LRP1B: variants seen among roughly 807,000 people sequenced by gnomAD.
The protein encoded by LRP1B is LDL receptor related protein 1B.
A neutral mutation model predicts 556.6 loss-of-function variants in LRP1B; 217 were observed. The observed-to-expected ratio is 0.39, with a 90% CI of 0.35 to 0.44. LRP1B has a LOEUF of 0.44. Ranked by LOEUF, LRP1B falls within the 20% of genes least tolerant of loss-of-function variation. The probability of loss-of-function intolerance (pLI) is 1.00; values close to 1 mark genes in which losing one functional copy is unlikely to be tolerated. For synonymous variants in LRP1B, 2,047 were observed against 1,865.8 expected (o/e 1.10, Z -2.50); for missense variants, 5,053 against 5,620.8 (o/e 0.90, Z 3.23).
intron 35 of LRP1B, among the ~76,000 whole-genome samples, chr2:140,748,180 CAT>C (rs1349437986): frequency 9.6e-4 from 99 of 103,460 alleles, no homozygotes; most frequent in African/African-American, 3.5e-3. Flanking sequence ...ATTATATATT[CAT>C]ATATGTGTAT....
At chr2:140,483,822 G>C (rs534665910) in intron 59 of LRP1B, among the ~76,000 whole-genome samples, 1 of 151,444 alleles carries the variant, frequency 6.6e-6, no homozygotes, top group South Asian at 2.1e-4. Flanking sequence ...TGTATTTTTA[G>C]TAGAGATGGG....
At chr2:141,666,909 G>GTT (rs1180556871) in intron 2 of LRP1B, among the ~76,000 whole-genome samples, 1 of 152,042 alleles carries the variant, frequency 6.6e-6, no homozygotes, top group African/African-American at 2.4e-5. Context: ...ATTACTGGAT[G>GTT]TTTTTCTTAT....
chr2:140,380,804 T>TA (rs35929081), intron 67 of LRP1B, among the ~76,000 whole-genome samples: 2 of 152,136 alleles, frequency 1.3e-5, no homozygotes, highest in African/African-American at 4.8e-5. Flanking sequence ...TGATGTAGGT[T>TA]AAAAAAAGTT....
Position 140,751,154 on chromosome 2 carries a change from G to A in LRP1B, c.5758+18059C>T, listed in dbSNP as rs1468840606. On this transcript the variant is annotated intron_variant, in intron 35 of 90. Coordinates refer to ENST00000389484, the MANE Select transcript of LRP1B (RefSeq NM_018557.3). ...ATTACAGGCGCCTGCCATCATGCCT[G>A]GCTAATTTTTGTATCTTTAGTAGAG... Among the ~76,000 whole-genome samples, 4 of 151,936 alleles carry A rather than the reference G, an allele frequency of 2.6e-5. No homozygotes were observed. In the East Asian group the frequency reaches 7.8e-4, roughly 30 times the overall value.
chr2:140,266,179 A>G (rs531428763), intron 86 of LRP1B, among the ~76,000 whole-genome samples: 2 of 152,122 alleles, frequency 1.3e-5, no homozygotes, highest in Admixed American at 1.3e-4. Flanking sequence ...TCAGAAAAGA[A>G]TCTACATTTT....
intron 2 of LRP1B, among the ~76,000 whole-genome samples, chr2:141,739,096 T>C (rs1300999963): frequency 6.6e-6 from 1 of 152,110 alleles, no homozygotes; most frequent in Non-Finnish European, 1.5e-5. Flanking sequence ...CTAAAATATG[T>C]TACCCTGATG....
rs1681200926 is a variant in LRP1B at position 140,247,135 on chromosome 2, C to G, written c.13275G>C (p.Gln4425His). 2 of 1,609,162 alleles carry G rather than the reference C, an allele frequency of 1.2e-6. No homozygotes were observed. ...CLCSTNWSGT[Q>H]CERPAPKSSK... ...TGCTCTTTGGGGCTGGCCTTTCACACTGTGTGCCTGACCAGTTGGTGGAGC... is the reference window on the plus strand; with the variant it reads ...TGCTCTTTGGGGCTGGCCTTTCACAGTGTGTGCCTGACCAGTTGGTGGAGC... Residue 4425 changes from glutamine to histidine, a missense_variant, in exon 87 of 91, where the codon CAG (glutamine) becomes CAC (histidine). Gln to His is a conservative substitution (Grantham distance 24). Around this residue, in one of 5 missense-constraint regions of LRP1B, gnomAD observed 551 missense variants for 592.0 expected, o/e 0.93. Transcript: ENST00000389484.
intron 41 of LRP1B, among the ~76,000 whole-genome samples, chr2:140,642,464 G>C (rs1684330808): frequency 1.3e-5 from 2 of 152,086 alleles, no homozygotes. Context: ...TATGGGTTAT[G>C]ATAATGTGGG....
In LRP1B at chr2:140,501,849, A is replaced by T. The variant is rs1689210390; in HGVS notation, c.8688T>A (p.Phe2896Leu). The T allele has an allele frequency of 1.1e-5, 17 of 1,607,330 alleles. No individual in the cohort carries two copies. The highest frequency in any genetic ancestry group is 1.4e-5 in the Non-Finnish European group (17 of 1,176,324). ...SAEQSCNSSF[F>L]MCKNGRCIPS... Reference sequence around the variant, plus strand: ...GAATGCACCTGCCATTTTTGCACATAAAAAATGAACTGTTGCATGACTGTT... The same window carrying T: ...GAATGCACCTGCCATTTTTGCACATTAAAAATGAACTGTTGCATGACTGTT... The change falls in exon 55 of 91, where the codon TTT becomes TTA. Residue 2896 changes from phenylalanine (F) to leucine (L), a missense_variant. By Grantham distance (22) the Phe-to-Leu change is conservative. This residue lies in a region of LRP1B where 3,619 missense variants were observed against 3,931.9 expected (regional missense o/e 0.92). Coordinates refer to ENST00000389484, the MANE Select transcript of LRP1B (RefSeq NM_018557.3).
intron 27 of LRP1B, among the ~76,000 whole-genome samples, chr2:140,852,210 C>T (rs2105123382): frequency 6.6e-6 from 1 of 152,226 alleles, no homozygotes; most frequent in East Asian, 1.9e-4. Context: ...ACCTCTAGTC[C>T]CAGCTAGTCA....
chr2:141,521,844 A>C (rs1184352243), intron 2 of LRP1B, among the ~76,000 whole-genome samples: 1 of 152,122 alleles, frequency 6.6e-6, no homozygotes, highest in Non-Finnish European at 1.5e-5. Context: ...ATAGTGATTT[A>C]ATTACAGTTA....
intron 60 of LRP1B, among the ~76,000 whole-genome samples, chr2:140,471,811 C>T (rs1687781193): frequency 6.6e-6 from 1 of 152,182 alleles, no homozygotes; most frequent in Admixed American, 6.5e-5. Flanking sequence ...TTGTGACAAT[C>T]TGGCCCCAAT....
Position 140,840,002 on chromosome 2 carries a change from T to C in LRP1B, c.5198A>G (p.Lys1733Arg). 6.2e-7 allele frequency: 1 copy of C among 1,608,168 alleles called. No individual in the cohort carries two copies. The highest frequency in any genetic ancestry group is 8.5e-7 in the Non-Finnish European group (1 of 1,177,836). Residue 1733 changes from lysine to arginine, a missense_variant, in exon 31 of 91, where the codon AAG (lysine) becomes AGG (arginine). Around this residue, in one of 5 missense-constraint regions of LRP1B, gnomAD observed 3,619 missense variants for 3,931.9 expected, o/e 0.92. Transcript: ENST00000389484. ...SNSKILFQNQKEPVGLSIDYV... is the reference protein window; with the variant it reads ...SNSKILFQNQREPVGLSIDYV... ...AAAAAAATACTTACCAACTGGCTCC[T>C]TCTGATTCTGAAACAGAATCTTGCT...
At chr2:140,550,574 T>C (rs1338989856) in intron 43 of LRP1B, among the ~76,000 whole-genome samples, 1 of 152,130 alleles carries the variant, frequency 6.6e-6, no homozygotes, top group Non-Finnish European at 1.5e-5. Context: ...CACACTGCTG[T>C]AAAACAGTGA....
chr2:140,744,603 T>G (rs980934371), intron 35 of LRP1B, among the ~76,000 whole-genome samples: 21 of 152,342 alleles, frequency 1.4e-4, no homozygotes, highest in African/African-American at 4.8e-4. Flanking sequence ...ACTGTACCTC[T>G]GCCTTTCCAT....
intron 47 of LRP1B, among the ~76,000 whole-genome samples, chr2:140,529,364 A>G (rs1224582053): frequency 2.0e-5 from 3 of 151,770 alleles, no homozygotes; most frequent in Non-Finnish European, 2.9e-5. Flanking sequence ...GATGTTTCTT[A>G]TAAATAACCT....
At chr2:141,376,933 A>G (rs564945438) in intron 3 of LRP1B, among the ~76,000 whole-genome samples, 2 of 152,278 alleles carry the variant, frequency 1.3e-5, no homozygotes, top group South Asian at 4.1e-4. Context: ...GGCAGTAAAA[A>G]TGAAAAATAA....
chr2:140,832,184 A>C (rs1431192308), intron 31 of LRP1B, among the ~76,000 whole-genome samples: 1 of 152,160 alleles, frequency 6.6e-6, no homozygotes. Context: ...GGGTATTCAC[A>C]GGATGCAAAA....
intron 1 of LRP1B, among the ~76,000 whole-genome samples, chr2:141,884,566 T>C (rs1699052773): frequency 6.6e-6 from 1 of 152,198 alleles, no homozygotes; most frequent in Non-Finnish European, 1.5e-5. Context: ...CTTACCAACC[T>C]GCCATACATT....
Sources: gnomAD v4.1 joint callset for allele counts (sites outside exome capture counted in the v4.1 genomes callset) on GRCh38, gnomAD v4.1.1 for gene constraint, gnomAD v4.1.1 regional missense constraint, MANE v1.5 for transcripts, NCBI Gene and HGNC (gene_info 2026-07-23, HGNC 2026-07-21) for gene names.